IQCM: variants seen among roughly 807,000 people sequenced by gnomAD.
IQCM encodes IQ motif containing M, also known as IQ domain-containing protein M.
In IQCM, 45 loss-of-function variants were observed where a neutral mutation model predicts 57.6. The ratio of observed to expected loss-of-function variants is 0.78; its 90% CI spans 0.62 to 1.00. The LOEUF (loss-of-function observed/expected upper bound fraction) is 1.00. IQCM is among the 50% of genes least tolerant of loss of function. The probability of loss-of-function intolerance (pLI) is 0.00; values close to 1 mark genes in which losing one functional copy is unlikely to be tolerated. For synonymous variants in IQCM, 148 were observed against 158.9 expected, an observed-to-expected ratio of 0.93 and a Z score of 0.51; for missense variants, 468 against 511.6, an observed-to-expected ratio of 0.91 and a Z score of 0.82.
intron 12 of IQCM, among the ~76,000 whole-genome samples, chr4:149,458,077 T>A (rs1737891178): frequency 6.6e-6 from 1 of 151,850 alleles, no homozygotes; most frequent in African/African-American, 2.4e-5. Context: ...AACAAAAAAA[T>A]TTAGCTTTGT....
intron 7 of IQCM, among the ~76,000 whole-genome samples, chr4:149,671,081 C>T (rs910290889): frequency 1.3e-5 from 2 of 151,982 alleles, no homozygotes; most frequent in Non-Finnish European, 1.5e-5. Context: ...CTATTTGTAC[C>T]TCTGGTGGAA....
intron 7 of IQCM, among the ~76,000 whole-genome samples, chr4:149,651,421 G>T (rs1217145072): frequency 6.6e-6 from 1 of 152,076 alleles, no homozygotes; most frequent in Non-Finnish European, 1.5e-5. Flanking sequence ...AAATAACCTG[G>T]CTAGGAGAAA....
At chr4:149,645,316 A>T (rs1758543430) in intron 7 of IQCM, among the ~76,000 whole-genome samples, 2 of 152,188 alleles carry the variant, frequency 1.3e-5, no homozygotes, top group African/African-American at 4.8e-5. Context: ...TGATGTTGTG[A>T]TTATGCATCT....
At position 149,351,745 on chromosome 4, in the gene IQCM, AAG is replaced by A. The variant is rs1210423911; in HGVS notation, c.*204_*205del. 6.6e-6 allele frequency among the ~76,000 whole-genome samples: 1 copy of A among 152,176 alleles called. No homozygotes were observed. Among genetic ancestry groups the A allele is most frequent in the African/African-American group, 2.4e-5 (1 of 41,434 alleles). On this transcript the variant is annotated 3_prime_UTR_variant, in exon 14 of 14. Coordinates refer to ENST00000636793, the MANE Select transcript of IQCM (RefSeq NM_001363507.2). Reference sequence around the variant, plus strand: ...CTGCAGGTTTACTTCATTATGATAAAAGAGATGTTTTTTATGAAGGAGATCAA... The same window carrying A: ...CTGCAGGTTTACTTCATTATGATAAAAGATGTTTTTTATGAAGGAGATCAA...
At chr4:149,588,710 C>G (rs1233863660) in intron 8 of IQCM, among the ~76,000 whole-genome samples, 2 of 151,832 alleles carry the variant, frequency 1.3e-5, no homozygotes, top group Non-Finnish European at 2.9e-5. Flanking sequence ...GAGAAACCAA[C>G]CCCACGGACA....
intron 12 of IQCM, among the ~76,000 whole-genome samples, chr4:149,518,665 G>A (rs932615894): frequency 2.0e-5 from 3 of 152,306 alleles, no homozygotes. Flanking sequence ...ATTCAATGGT[G>A]TGAAACAAGT....
chr4:149,675,450 T>C (rs1398208349), intron 7 of IQCM, among the ~76,000 whole-genome samples: 1 of 151,766 alleles, frequency 6.6e-6, no homozygotes, highest in Non-Finnish European at 1.5e-5. Context: ...GGAAGAAATG[T>C]CTTCAGGGCA....
At chr4:149,658,086 C>A (rs1340843336) in intron 7 of IQCM, among the ~76,000 whole-genome samples, 2 of 152,030 alleles carry the variant, frequency 1.3e-5, no homozygotes, top group South Asian at 2.1e-4. Context: ...CCTTGCCCAG[C>A]TCAATGCTGT....
chr4:149,366,920 C>T (rs747848521), intron 13 of IQCM, among the ~76,000 whole-genome samples: 1 of 151,848 alleles, frequency 6.6e-6, no homozygotes, highest in Non-Finnish European at 1.5e-5. Flanking sequence ...TTGTCAATTG[C>T]AAAACGGATT....
chr4:149,516,825 T>C (rs1415559578), intron 12 of IQCM, among the ~76,000 whole-genome samples: 2 of 151,996 alleles, frequency 1.3e-5, no homozygotes, highest in Admixed American at 1.3e-4. Context: ...TCCAGTAAAC[T>C]GGAAGTTAAG....
chr4:149,557,093 G>A (rs774773576), intron 10 of IQCM, among the ~76,000 whole-genome samples: 1 of 152,098 alleles, frequency 6.6e-6, no homozygotes, highest in African/African-American at 2.4e-5. Flanking sequence ...CATAGAAAGG[G>A]TGCCTCTCTA....
intron 12 of IQCM, among the ~76,000 whole-genome samples, chr4:149,513,474 G>A (rs1466244350): frequency 6.6e-6 from 1 of 152,050 alleles, no homozygotes; most frequent in East Asian, 1.9e-4. Flanking sequence ...AATAAATAAT[G>A]CAAGCTTTCC....
intron 12 of IQCM, among the ~76,000 whole-genome samples, chr4:149,443,603 T>C (rs906079015): frequency 1.3e-5 from 2 of 151,310 alleles, no homozygotes; most frequent in Admixed American, 1.3e-4. Context: ...TAAGTCTTGT[T>C]AAAATAGAGC....
intron 5 of IQCM, among the ~76,000 whole-genome samples, chr4:149,726,128 AAAG>A (rs1765906454): frequency 3.6e-5 from 5 of 140,826 alleles, no homozygotes; most frequent in South Asian, 2.3e-4. Context: ...AGAAAGAAAG[AAAG>A]AAAGAAAGAA....
intron 12 of IQCM, among the ~76,000 whole-genome samples, chr4:149,474,796 T>C (rs1372290207): frequency 6.6e-6 from 1 of 151,672 alleles, no homozygotes; most frequent in Non-Finnish European, 1.5e-5. Context: ...GAGCTAAGAC[T>C]TAAAGGAGAT....
At chr4:149,575,230 A>G (rs1253046852) in intron 9 of IQCM, among the ~76,000 whole-genome samples, 1 of 151,960 alleles carries the variant, frequency 6.6e-6, no homozygotes, top group East Asian at 1.9e-4. Flanking sequence ...GGCCTACTTT[A>G]AACCCCTAAA....
At chr4:149,789,665 G>A (rs1342290337) in intron 2 of IQCM, among the ~76,000 whole-genome samples, 2 of 152,166 alleles carry the variant, frequency 1.3e-5, no homozygotes, top group Non-Finnish European at 2.9e-5. Context: ...CAGATACTCA[G>A]GAGGCTAAGG....
intron 12 of IQCM, among the ~76,000 whole-genome samples, chr4:149,452,503 A>G (rs1737228528): frequency 6.6e-6 from 1 of 151,630 alleles, no homozygotes; most frequent in Non-Finnish European, 1.5e-5. Context: ...GATCAATAGA[A>G]TTGTATAGGG....
At chr4:149,360,482 T>C (rs1434296980) in intron 13 of IQCM, among the ~76,000 whole-genome samples, 3 of 152,140 alleles carry the variant, frequency 2.0e-5, no homozygotes, top group African/African-American at 7.2e-5. Flanking sequence ...GCACTTATAA[T>C]ATGGTTTGGC....
Sources: gnomAD v4.1 joint callset for allele counts (sites outside exome capture counted in the v4.1 genomes callset) on GRCh38, gnomAD v4.1.1 for gene constraint, MANE v1.5 for transcripts, NCBI Gene and HGNC (gene_info 2026-07-23, HGNC 2026-07-21) for gene names.